Variants in ZFPM2 observed in about 807,000 individuals in gnomAD.
ZFPM2 encodes the protein zinc finger protein, FOG family member 2, also known as zinc finger protein ZFPM2.
Under a neutral mutation model 98.6 loss-of-function variants are expected in ZFPM2, and 20 were observed. The observed-to-expected ratio is 0.20, with a 90% CI of 0.14 to 0.29. The LOEUF (loss-of-function observed/expected upper bound fraction) is 0.29, where lower values mean the gene tolerates loss of function less well. Among genes scored for constraint, ZFPM2 ranks in the 10% least tolerant of loss-of-function variants. ZFPM2 has a pLI of 1.00. For missense variants in ZFPM2, 1,310 were observed against 1,388.6 expected (o/e 0.94, Z 0.90); for synonymous variants, 518 against 502.7 (o/e 1.03, Z -0.41).
At chr8:105,653,144 G>A (rs1817213433) in intron 5 of ZFPM2, among the ~76,000 whole-genome samples, 3 of 152,158 alleles carry the variant, frequency 2.0e-5, no homozygotes, top group African/African-American at 7.2e-5. Flanking sequence ...AGTAGAAAAT[G>A]TAGTTTAAGA....
chr8:105,381,599 G>T (rs945717031), intron 1 of ZFPM2, among the ~76,000 whole-genome samples: 1 of 152,096 alleles, frequency 6.6e-6, no homozygotes, highest in Non-Finnish European at 1.5e-5. Flanking sequence ...ATTGCAGTGG[G>T]TCAGGAAACA....
At chr8:105,644,514 TTC>T (rs934926003) in intron 5 of ZFPM2, among the ~76,000 whole-genome samples, 11 of 151,638 alleles carry the variant, frequency 7.3e-5, no homozygotes, top group East Asian at 1.9e-4. Flanking sequence ...CTTTCTGTTT[TTC>T]TCTCTCTCTC....
intron 4 of ZFPM2, among the ~76,000 whole-genome samples, chr8:105,610,279 G>T (rs921975945): frequency 6.6e-6 from 1 of 152,088 alleles, no homozygotes; most frequent in African/African-American, 2.4e-5. Context: ...TGCTGGATAA[G>T]GCTTGTGATT....
chr8:105,730,752 C>T (rs187849188), intron 5 of ZFPM2, among the ~76,000 whole-genome samples: 1 of 148,814 alleles, frequency 6.7e-6, no homozygotes, highest in Non-Finnish European at 1.5e-5. Flanking sequence ...GAAGTCAAAG[C>T]GACACCTGAA....
chr8:105,781,494 G>C (rs1033796839), intron 5 of ZFPM2, among the ~76,000 whole-genome samples: 6 of 152,148 alleles, frequency 3.9e-5, no homozygotes, highest in African/African-American at 1.2e-4. Context: ...GCTGAAGCAG[G>C]AGGATCCCTT....
At chr8:105,796,234 C>CAAAAG (rs1282408812) in intron 6 of ZFPM2, among the ~76,000 whole-genome samples, 2 of 137,998 alleles carry the variant, frequency 1.4e-5, no homozygotes, top group Non-Finnish European at 3.1e-5. Context: ...GAATTTGAGG[C>CAAAAG]AAAAGAATTT....
chr8:105,755,316 T>G (rs1378050583), intron 5 of ZFPM2, among the ~76,000 whole-genome samples: 1 of 152,154 alleles, frequency 6.6e-6, no homozygotes, highest in African/African-American at 2.4e-5. Context: ...AGAAATGCCA[T>G]TTTCAGAATA....
At chr8:105,640,991 A>G (rs1164043812) in intron 5 of ZFPM2, among the ~76,000 whole-genome samples, 1 of 152,062 alleles carries the variant, frequency 6.6e-6, no homozygotes, top group African/African-American at 2.4e-5. Context: ...TGGGAATTAT[A>G]AAATCATAAG....
In ZFPM2 at chr8:105,547,542, C is replaced by CAAA. The variant is rs148322534; in HGVS notation, c.302-13796_302-13794dup. ...GGGTGACGAGAGTGAAACTCCATCTCAAAAAAAAAAAAAAAAAAAAAAAAA... is the reference window on the plus strand; with the variant it reads ...GGGTGACGAGAGTGAAACTCCATCTCAAAAAAAAAAAAAAAAAAAAAAAAAAAA... On this transcript the variant is annotated intron_variant, in intron 3 of 7. Coordinates refer to ENST00000407775, the MANE Select transcript of ZFPM2 (RefSeq NM_012082.4). Among the ~76,000 whole-genome samples, 249 of 47,162 alleles carry CAAA rather than the reference C, an allele frequency of 5.3e-3. 28 individuals carry two copies. Among genetic ancestry groups the CAAA allele is most frequent in the African/African-American group, 0.021 (207 of 9,918 alleles). The allele number at this position is 47,162 out of a possible 152,430, so 30.9% of individuals were successfully genotyped here. A position where few individuals can be genotyped will look rare whatever the true frequency, so the allele number is the denominator to read the frequency against.
At chr8:105,640,098 A>C (rs1816922598) in intron 5 of ZFPM2, among the ~76,000 whole-genome samples, 1 of 152,038 alleles carries the variant, frequency 6.6e-6, no homozygotes, top group Admixed American at 6.6e-5. Context: ...ATATCGAAAC[A>C]GTGCTTTTCC....
intron 4 of ZFPM2, among the ~76,000 whole-genome samples, chr8:105,566,657 G>A (rs1463271151): frequency 2.0e-5 from 3 of 152,140 alleles, no homozygotes; most frequent in Admixed American, 6.6e-5. Flanking sequence ...TTTAAATGGC[G>A]TTTGCCCTCT....
chr8:105,719,517 G>A (rs1231442318), intron 5 of ZFPM2, among the ~76,000 whole-genome samples: 1 of 151,842 alleles, frequency 6.6e-6, no homozygotes, highest in Admixed American at 6.6e-5. Context: ...ACTCTTCCAT[G>A]TATAATTTGT....
In ZFPM2 at chr8:105,787,879, G is replaced by A. The variant is rs546423653; in HGVS notation, c.533-839G>A. ...AAACATGTTAAATAAACGAGCATTC[G>A]CTATCACATTCCAATACATTAGATG... On this transcript the variant is annotated intron_variant, in intron 5 of 7. Coordinates refer to ENST00000407775, the MANE Select transcript of ZFPM2 (RefSeq NM_012082.4). 1.8e-4 allele frequency among the ~76,000 whole-genome samples: 27 copies of A among 152,248 alleles called. 1 individual carries two copies. Among genetic ancestry groups the A allele is most frequent in the African/African-American group, 4.3e-4 (18 of 41,544 alleles).
intron 4 of ZFPM2, among the ~76,000 whole-genome samples, chr8:105,562,544 G>A (rs192741626): frequency 4.6e-5 from 7 of 152,080 alleles, no homozygotes; most frequent in Non-Finnish European, 8.8e-5. Context: ...GTGTCTGCAG[G>A]TCTGAACTCC....
chr8:105,381,734 T>C (rs1810893911), intron 1 of ZFPM2, among the ~76,000 whole-genome samples: 1 of 152,144 alleles, frequency 6.6e-6, no homozygotes, highest in African/African-American at 2.4e-5. Context: ...ATGAATATTT[T>C]CCCCAAAGAT....
chr8:105,732,200 A>G (rs1482829862), intron 5 of ZFPM2, among the ~76,000 whole-genome samples: 1 of 151,804 alleles, frequency 6.6e-6, no homozygotes, highest in Non-Finnish European at 1.5e-5. Flanking sequence ...TGCATACGTT[A>G]TCACTTAAAA....
At chr8:105,652,446 C>G (rs1817200944) in intron 5 of ZFPM2, among the ~76,000 whole-genome samples, 1 of 151,174 alleles carries the variant, frequency 6.6e-6, no homozygotes, top group South Asian at 2.1e-4. Flanking sequence ...GTGTTGCAAG[C>G]AAGAGTATTC....
At chr8:105,574,742 C>A (rs1369311586) in intron 4 of ZFPM2, among the ~76,000 whole-genome samples, 1 of 150,922 alleles carries the variant, frequency 6.6e-6, no homozygotes, top group Non-Finnish European at 1.5e-5. Flanking sequence ...GTAAGCATTA[C>A]CCCGCAGACA....
chr8:105,582,526 A>G (rs781747515), intron 4 of ZFPM2, among the ~76,000 whole-genome samples: 9 of 152,198 alleles, frequency 5.9e-5, no homozygotes, highest in Non-Finnish European at 1.0e-4. Context: ...AATAGTGCCA[A>G]TGTGGAGAAA....
Sources: allele counts gnomAD v4.1 joint callset (sites outside exome capture counted in the v4.1 genomes callset), GRCh38; gene constraint gnomAD v4.1.1; transcripts MANE v1.5; gene names NCBI Gene and HGNC (gene_info 2026-07-23, HGNC 2026-07-21).